UGDH: variants seen among roughly 807,000 people sequenced by gnomAD.
UGDH encodes the protein UDP-glucose 6-dehydrogenase.
Under a neutral mutation model 50.6 loss-of-function variants are expected in UGDH, and 38 were observed. The observed-to-expected ratio is 0.75, with a 90% CI of 0.58 to 0.98. The LOEUF (loss-of-function observed/expected upper bound fraction) is 0.98. Among genes scored for constraint, UGDH ranks in the 50% least tolerant of loss-of-function variants. UGDH has a pLI of 0.00. For missense variants in UGDH, 465 were observed against 606.2 expected, an observed-to-expected ratio of 0.77 and a Z score of 2.45; for synonymous variants, 168 against 199.9, an observed-to-expected ratio of 0.84 and a Z score of 1.35.
chr4:39,511,880 G>GT (rs1325886810), intron 3 of UGDH, among the ~76,000 whole-genome samples: 2 of 151,006 alleles, frequency 1.3e-5, no homozygotes, highest in African/African-American at 4.9e-5. Flanking sequence ...CCTAATTTTT[G>GT]TATTTTTAGA....
chr4:39,512,599 G>C (rs1746284453), intron 3 of UGDH, among the ~76,000 whole-genome samples: 1 of 152,166 alleles, frequency 6.6e-6, no homozygotes, highest in African/African-American at 2.4e-5. Context: ...CCTTTCTGCA[G>C]AAAATTATTC....
intron 6 of UGDH, 110 bp downstream of exon 6, chr4:39,509,650 T>C: frequency 8.0e-7 from 1 of 1,254,496 alleles, no homozygotes. Flanking sequence ...AGCATCTACC[T>C]AACAGGTTAT....
chr4:39,521,967 T>C (rs1402629447), intron 1 of UGDH, among the ~76,000 whole-genome samples: 1 of 151,474 alleles, frequency 6.6e-6, no homozygotes, highest in Non-Finnish European at 1.5e-5. Flanking sequence ...TACGATGATA[T>C]AGAATAAGAT....
At position 39,510,472 on chromosome 4, in the gene UGDH, C is replaced by T. The variant is rs527756813; in HGVS notation, c.544G>A (p.Gly182Arg). The change falls in exon 5 of 12, where the codon GGG becomes AGG. Residue 182 changes from glycine to arginine, a missense_variant. By Grantham distance (125) the Gly-to-Arg change is moderately radical. Transcript: ENST00000316423. ...LKNPDRVLIG[G>R]DETPEGQRAV... is the part of the protein sequence containing the mutation. The stretch of plus-strand genomic sequence containing the variant: ...CTCTGGCCCTCTGGAGTTTCATCCC[C>T]TCCAATCAGTACTCTGTCTGGGTTC... 1 of 1,614,194 alleles carries T rather than the reference C, an allele frequency of 6.2e-7. No homozygotes were observed. The highest frequency in any genetic ancestry group is 1.1e-5 in the South Asian group (1 of 91,082).
chr4:39,506,349 C>T (rs1048857801), intron 7 of UGDH, among the ~76,000 whole-genome samples: 2 of 151,892 alleles, frequency 1.3e-5, no homozygotes, highest in Admixed American at 1.3e-4. Flanking sequence ...TAATTCTAAG[C>T]GCATTTGAGG....
At chr4:39,526,309 G>A (rs1392716694) in intron 1 of UGDH, 1 of 152,210 alleles carries the variant, frequency 6.6e-6, no homozygotes, top group Non-Finnish European at 1.5e-5. Context: ...TCCAGTTATA[G>A]ATTTTGTTAG....
At position 39,499,018 on chromosome 4, in the gene UGDH, C is replaced by G. The variant is rs961548919; in HGVS notation, c.*1125G>C. ...ACAAGAGACATAAGAAAAAAGCAGA[C>G]AGAAAACAAAAAAAATTCTTATTTT... On this transcript the variant is annotated 3_prime_UTR_variant, in exon 12 of 12. Transcript: ENST00000316423. 1 of 151,470 alleles carries G rather than the reference C, an allele frequency of 6.6e-6. No homozygotes were observed. The highest frequency in any genetic ancestry group is 6.6e-5 in the Admixed American group (1 of 15,218). 9.4% of individuals were successfully genotyped at this position (151,470 alleles called of 1,614,324 possible). A position where few individuals can be genotyped will look rare whatever the true frequency, so the allele number is the denominator to read the frequency against.
At position 39,527,129 on chromosome 4, in the gene UGDH, A is replaced by C. The variant is rs778486394; in HGVS notation, c.-8+154T>G. 2.3e-5 allele frequency: 29 copies of C among 1,288,710 alleles called. No individual in the cohort carries two copies. The South Asian group carries it at 2.6e-4, about 12-fold the overall frequency. 79.8% of individuals were successfully genotyped at this position (1,288,710 alleles called of 1,614,324 possible). A position where few individuals can be genotyped will look rare whatever the true frequency, so the allele number is the denominator to read the frequency against. ...AAATGCGGTTCCCGCCCTAAGCCCCAAAGAGACGAAGGTCGTGAGACGGGA... is the reference window on the plus strand; with the variant it reads ...AAATGCGGTTCCCGCCCTAAGCCCCCAAGAGACGAAGGTCGTGAGACGGGA... On this transcript the variant is annotated intron_variant, in intron 1 of 11. Transcript: ENST00000316423.
chr4:39,526,945 A>G, intron 1 of UGDH: 4 of 1,188,246 alleles, frequency 3.4e-6, no homozygotes, highest in Non-Finnish European at 4.4e-6. Flanking sequence ...GTCCCCAACG[A>G]GAGAACCGCT....
chr4:39,508,664 C>A lies in UGDH; in HGVS notation c.812-4G>T, dbSNP rs1330634416. 2 of 1,581,962 alleles carry A rather than the reference C, an allele frequency of 1.3e-6. No individual in the cohort carries two copies. Among genetic ancestry groups the A allele is most frequent in the South Asian group, 1.2e-5 (1 of 85,542 alleles). On this transcript the variant is annotated splice_polypyrimidine_tract_variant and splice_region_variant and intron_variant, in intron 6 of 11. Coordinates refer to ENST00000316423, the MANE Select transcript of UGDH (RefSeq NM_003359.4). ...TGGAAACAGCTCCCACCAAACCCTG[C>A]AGAAAGAAAAAAATGAACAATATTT...
chr4:39,505,280 T>C lies in UGDH; in HGVS notation c.1128A>G (p.Ile376Met). 6.2e-7 allele frequency: 1 copy of C among 1,603,280 alleles called. No individual in the cohort carries two copies. The highest frequency in any genetic ancestry group is 1.3e-5 in the African/African-American group (1 of 74,486). Residue 376 changes from isoleucine to methionine, a missense_variant, in exon 9 of 12, where the codon ATA becomes ATG. Physicochemically the swap from Ile to Met is conservative, Grantham distance 10. Coordinates refer to ENST00000316423, the MANE Select transcript of UGDH (RefSeq NM_003359.4). ...CACCTGGATGAGAAAGATCCACAACTATTTGTTCCCTAGGTACTTTTGGAT... is the reference window on the plus strand; with the variant it reads ...CACCTGGATGAGAAAGATCCACAACCATTTGTTCCCTAGGTACTTTTGGAT... ...IYDPKVPREQ[I>M]VVDLSHPGVS... is the part of the protein sequence containing the mutation.
At chr4:39,510,273 G>A (rs535992228) in intron 5 of UGDH, 80 bp downstream of exon 5, 2 of 1,397,472 alleles carry the variant, frequency 1.4e-6, no homozygotes, top group African/African-American at 1.4e-5. Flanking sequence ...TATTAAAAAA[G>A]TATCTGTGTA....
chr4:39,507,472 G>A (rs1253825485), intron 7 of UGDH, among the ~76,000 whole-genome samples: 3 of 152,132 alleles, frequency 2.0e-5, no homozygotes, highest in Admixed American at 6.6e-5. Flanking sequence ...TACAACCTCC[G>A]CCTCCTGGGT....
In UGDH at chr4:39,505,681, G is replaced by A. The variant is rs1578264977; in HGVS notation, c.974C>T (p.Thr325Ile). 2 of 1,610,530 alleles carry A rather than the reference G, an allele frequency of 1.2e-6. No homozygotes were observed. Among genetic ancestry groups the A allele is most frequent in the East Asian group, 2.2e-5 (1 of 44,800 alleles). ...AATAGCTATCTTCTTATCAGTTACT[G>A]TATTAAACAGACTATCTATGATCCG... ...ASRIIDSLFN[T>I]VTDKKIAILG... Residue 325 changes from threonine to isoleucine, a missense_variant, in exon 8 of 12, where the codon ACA becomes ATA. Physicochemically the swap from Thr to Ile is moderately conservative, Grantham distance 89. Coordinates refer to ENST00000316423, the MANE Select transcript of UGDH (RefSeq NM_003359.4).
At chr4:39,518,586 G>C (rs1435056265) in intron 2 of UGDH, among the ~76,000 whole-genome samples, 3 of 151,190 alleles carry the variant, frequency 2.0e-5, no homozygotes, top group Non-Finnish European at 4.4e-5. Context: ...AAAAGTGCTG[G>C]GATTACAGGT....
chr4:39,512,656 T>C (rs1409594814), intron 3 of UGDH, among the ~76,000 whole-genome samples: 2 of 151,454 alleles, frequency 1.3e-5, no homozygotes, highest in Admixed American at 6.6e-5. Context: ...ACTAAGTAAC[T>C]CATTGATTTT....
At chr4:39,509,955 A>G in intron 5 of UGDH, 48 bp from the exon 6 acceptor site, 5 of 1,545,034 alleles carry the variant, frequency 3.2e-6, no homozygotes, top group Non-Finnish European at 4.3e-6. Flanking sequence ...TAAAACAGCA[A>G]TTTTATACAT....
intron 2 of UGDH, 56 bp downstream of exon 2, chr4:39,521,295 A>G (rs1746650486): frequency 6.8e-7 from 1 of 1,459,868 alleles, no homozygotes; most frequent in South Asian, 1.5e-5. Context: ...TATAAATGAT[A>G]TAATAAAGAC....
At chr4:39,506,233 T>TAAA (rs373456890) in intron 7 of UGDH, among the ~76,000 whole-genome samples, 4 of 131,132 alleles carry the variant, frequency 3.1e-5, no homozygotes, top group Non-Finnish European at 6.3e-5. Flanking sequence ...GCCGTAAATT[T>TAAA]AAAAAAAAAA....
Sources: gnomAD v4.1 joint callset for allele counts (sites outside exome capture counted in the v4.1 genomes callset) on GRCh38, gnomAD v4.1.1 for gene constraint, MANE v1.5 for transcripts, NCBI Gene and HGNC (gene_info 2026-07-23, HGNC 2026-07-21) for gene names.